The following IGHMBP2 variants were observed in gnomAD, a reference collection of about 807,000 sequenced individuals.
The protein encoded by IGHMBP2 is immunoglobulin mu DNA binding protein 2, also known as DNA-binding protein SMUBP-2.
Under a neutral mutation model 96.0 loss-of-function variants are expected in IGHMBP2, and 81 were observed. The ratio of observed to expected loss-of-function variants is 0.84; its 90% CI spans 0.71 to 1.01. The LOEUF (loss-of-function observed/expected upper bound fraction) is 1.01. Ranked by LOEUF, IGHMBP2 falls within the 50% of genes least tolerant of loss-of-function variation. IGHMBP2 has a pLI of 0.00. For synonymous variants in IGHMBP2, 557 were observed against 548.9 expected, an observed-to-expected ratio of 1.01 and a Z score of -0.21; for missense variants, 1,227 against 1,306.3, an observed-to-expected ratio of 0.94 and a Z score of 0.94.
chr11:68,911,411 T>G (rs1858427860), intron 4 of IGHMBP2, 29 bp from the exon 5 acceptor site: 2 of 1,610,848 alleles, frequency 1.2e-6, no homozygotes, highest in South Asian at 1.1e-5. Flanking sequence ...CCAGAGCACC[T>G]GAGCCTCACG....
chr11:68,939,382 C>A, intron 14 of IGHMBP2, 152 bp from the exon 15 acceptor site: 2 of 805,558 alleles, frequency 2.5e-6, no homozygotes, highest in Non-Finnish European at 4.0e-6. Context: ...GCTCTCCCGC[C>A]AGGCAGCCTG....
intron 8 of IGHMBP2, chr11:68,930,011 T>A (rs1286649459): frequency 9.6e-7 from 1 of 1,036,824 alleles, no homozygotes; most frequent in East Asian, 9.7e-5. Flanking sequence ...TACCCAGCAC[T>A]CACTGCTTCA....
At position 68,936,464 on chromosome 11, in the gene IGHMBP2, G is replaced by C. The variant is rs370166700; in HGVS notation, c.1984G>C (p.Ala662Pro). The stretch of plus-strand genomic sequence containing the variant: ...TGAGAACTCCCAGGGTTCCAGCCAC[G>C]CTGCCACCAAGCCCCAGGGACCTGC... ...SHENSQGSSH[A>P]ATKPQGPATS... The change falls in exon 13 of 15, where the codon GCT becomes CCT. Residue 662 changes from alanine (A) to proline (P), a missense_variant. Transcript: ENST00000255078. 1.2e-6 allele frequency: 2 copies of C among 1,613,866 alleles called. No homozygotes were observed. The highest frequency in any genetic ancestry group is 2.2e-5 in the South Asian group (2 of 91,070).
chr11:68,919,758 CAT>C (rs1402833193), intron 7 of IGHMBP2, among the ~76,000 whole-genome samples: 1 of 152,262 alleles, frequency 6.6e-6, no homozygotes, highest in East Asian at 1.9e-4. Context: ...TTACTGGGGT[CAT>C]AAATGTGGGG....
rs757674740 is a variant in IGHMBP2 at position 68,903,960 on chromosome 11, C to G, written c.8C>G (p.Ser3Trp). The change falls in exon 1 of 15, where the codon TCG becomes TGG. Residue 3 changes from serine (S) to tryptophan (W), a missense_variant. Transcript: ENST00000255078. ...CCCAGGCCGGCGGCGGCGATGGCCT[C>G]GGCAGCTGTGGAGAGCTTCGTGACC... Reference protein sequence around the residue: MASAAVESFVTKQ... With the variant: MAWAAVESFVTKQ... 1 of 1,564,246 alleles carries G rather than the reference C, an allele frequency of 6.4e-7. No homozygotes were observed. Among genetic ancestry groups the G allele is most frequent in the Non-Finnish European group, 8.7e-7 (1 of 1,154,436 alleles).
rs986066316 is a variant in IGHMBP2 at position 68,933,014 on chromosome 11, C to T, written c.1236-285C>T. The T allele has an allele frequency of 2.5e-5, 13 of 529,478 alleles. No individual in the cohort carries two copies. In the African/African-American group the frequency reaches 2.5e-4, roughly 10 times the overall value. 32.8% of individuals were successfully genotyped at this position (529,478 alleles called of 1,614,324 possible). On this transcript the variant is annotated intron_variant, in intron 8 of 14. Transcript: ENST00000255078. ...CCCCCTTATAAGACCCTTGGGTTAT[C>T]ACCTGGGTCATCCAGGGTCGCCTCC... is the stretch of plus-strand genomic sequence containing the variant.
intron 4 of IGHMBP2, among the ~76,000 whole-genome samples, chr11:68,909,188 A>AG (rs1275576684): frequency 3.7e-4 from 20 of 53,496 alleles, no homozygotes; most frequent in East Asian, 2.1e-3. Flanking sequence ...GGGGGGGTGG[A>AG]GGGGGGGGGC....
Position 68,908,249 on chromosome 11 carries a change from T to C in IGHMBP2, c.361T>C (p.Ser121Pro). The change falls in exon 3 of 15, where the codon TCC (serine) becomes CCC (proline). Residue 121 changes from serine to proline, a missense_variant. This residue lies in a region of IGHMBP2 where 507 missense variants were observed against 496.9 expected (regional missense o/e 1.02). Transcript: ENST00000255078. ...QKSVTVAFDESHDFQLSLDRE... is the reference protein window; with the variant it reads ...QKSVTVAFDEPHDFQLSLDRE... ...GTCGGTCACGGTGGCCTTTGATGAG[T>C]CCCACGATTTCCAGTTGAGCTTGGA... 6.2e-7 allele frequency: 1 copy of C among 1,613,936 alleles called. No individual in the cohort carries two copies. Among genetic ancestry groups the C allele is most frequent in the Non-Finnish European group, 8.5e-7 (1 of 1,179,982 alleles).
chr11:68,904,162 G>A, intron 1 of IGHMBP2, 124 bp downstream of exon 1: 3 of 818,220 alleles, frequency 3.7e-6, no homozygotes, highest in Non-Finnish European at 6.1e-6. Context: ...CGAGTCAGGG[G>A]CAGGGATCGT....
chr11:68,935,785 T>C (rs608530), intron 12 of IGHMBP2, among the ~76,000 whole-genome samples: 33,735 of 152,246 alleles, frequency 0.22, 3,982 homozygotes, highest in Non-Finnish European at 0.25. Flanking sequence ...TCTGTGCTGC[T>C]GTGGTGTGTG....
rs754319597 is a variant in IGHMBP2, at chr11:68,906,197, A to G, written c.215A>G (p.Tyr72Cys). ...RLLVTFEPRR[Y>C]GSAAALPSNS... ...CTGGTCACCTTTGAGCCCAGGCGAT[A>G]CGGGTCCGCGGCAGCTCTTCCCAGT... Residue 72 changes from tyrosine to cysteine, a missense_variant, in exon 2 of 15, where the codon TAC becomes TGC. By Grantham distance (194) the Tyr-to-Cys change is radical. Around this residue, in one of 3 missense-constraint regions of IGHMBP2, gnomAD observed 507 missense variants for 496.9 expected, o/e 1.02. Transcript: ENST00000255078. 8 of 1,614,102 alleles carry G rather than the reference A, an allele frequency of 5.0e-6. No individual in the cohort carries two copies. The highest frequency in any genetic ancestry group is 6.8e-6 in the Non-Finnish European group (8 of 1,179,994).
intron 4 of IGHMBP2, among the ~76,000 whole-genome samples, chr11:68,909,118 C>T (rs1157187464): frequency 5.0e-5 from 7 of 141,340 alleles, no homozygotes; most frequent in East Asian, 2.1e-4. Flanking sequence ...GGATTACAGG[C>T]GTGAGCCACC....
Position 68,934,418 on chromosome 11 carries a change from C to G in IGHMBP2, c.1538-46C>G, listed in dbSNP as rs774467467. Reference sequence around the variant, plus strand: ...AACACGTGTTGGTGGTGGATGCCCACTTGGGGCGACCTTGTGCTGCTCACC... The same window carrying G: ...AACACGTGTTGGTGGTGGATGCCCAGTTGGGGCGACCTTGTGCTGCTCACC... On this transcript the variant is annotated intron_variant, in intron 10 of 14. Transcript: ENST00000255078. 4.2e-6 allele frequency: 6 copies of G among 1,436,448 alleles called. No homozygotes were observed. In the South Asian group the frequency reaches 7.2e-5, roughly 17 times the overall value. 89.0% of individuals were successfully genotyped at this position (1,436,448 alleles called of 1,614,324 possible).
In IGHMBP2 at chr11:68,904,031, G is replaced by C. The variant is rs1315453807; in HGVS notation, c.79G>C (p.Glu27Gln). Residue 27 changes from glutamate to glutamine, a missense_variant, in exon 1 of 15, where the codon GAG (glutamate) becomes CAG (glutamine). Transcript: ENST00000255078. The part of the protein sequence containing the change: ...LELERDAEVE[E>Q]RRSWQENISL... ...GCTTGAGAGAGACGCGGAGGTGGAG[G>C]AGCGCAGGTACGGGAGGCCGCCGGC... The C allele has an allele frequency of 2.6e-6, 4 of 1,549,432 alleles. No individual in the cohort carries two copies. The African/African-American group carries it at 4.1e-5, about 16-fold the overall frequency.
intron 7 of IGHMBP2, among the ~76,000 whole-genome samples, chr11:68,927,475 C>T (rs112418571): frequency 5.9e-5 from 9 of 152,168 alleles, no homozygotes; most frequent in African/African-American, 9.7e-5. Context: ...TTGTGCAGTG[C>T]GTTGAGCTGA....
chr11:68,915,901 C>T (rs555941579), intron 6 of IGHMBP2, among the ~76,000 whole-genome samples: 1 of 152,080 alleles, frequency 6.6e-6, no homozygotes, highest in South Asian at 2.1e-4. Flanking sequence ...CGGCCGGATA[C>T]AGTGGCTCAC....
At chr11:68,914,292 C>CAA (rs35858423) in intron 5 of IGHMBP2, among the ~76,000 whole-genome samples, 191 of 136,226 alleles carry the variant, frequency 1.4e-3, no homozygotes, top group African/African-American at 3.5e-3. Context: ...CAATTTGTTT[C>CAA]AAAAAAAAAA....
chr11:68,905,820 G>A (rs1259109543), intron 1 of IGHMBP2, among the ~76,000 whole-genome samples: 1 of 152,186 alleles, frequency 6.6e-6, no homozygotes, highest in African/African-American at 2.4e-5. Flanking sequence ...TGACAGATGG[G>A]AGGAGAGAGG....
In IGHMBP2 at chr11:68,917,753, C is replaced by T. The variant is rs757465847; in HGVS notation, c.930C>T (p.Thr310=). The change falls in exon 7 of 15, where the codon ACC becomes ACT. Residue 310 remains threonine, a synonymous_variant. Coordinates refer to ENST00000255078, the MANE Select transcript of IGHMBP2 (RefSeq NM_002180.3). ...CTTTATAGGTGAAAAACAAAAAGAC[C>T]CAGGATAAGAGAGAGAAAAGTAATT... is the stretch of plus-strand genomic sequence containing the variant. ...IDQVFVKNKK[T]QDKREKSNFR... The T allele has an allele frequency of 6.2e-7, 1 of 1,612,298 alleles. No homozygotes were observed. Among genetic ancestry groups the T allele is most frequent in the South Asian group, 1.1e-5 (1 of 91,018 alleles).
Sources: allele counts gnomAD v4.1 joint callset (sites outside exome capture counted in the v4.1 genomes callset), GRCh38; gene constraint gnomAD v4.1.1; regional missense constraint gnomAD v4.1.1; transcripts MANE v1.5; gene names NCBI Gene and HGNC (gene_info 2026-07-23, HGNC 2026-07-21).